MYH7: variants seen among roughly 807,000 people sequenced by gnomAD.
MYH7 encodes myosin-7.
Under a neutral mutation model 225.4 loss-of-function variants are expected in MYH7, and 129 were observed. That is an observed-to-expected ratio of 0.57 (90% CI 0.50 to 0.66). The LOEUF (loss-of-function observed/expected upper bound fraction) is 0.66. Among genes scored for constraint, MYH7 ranks in the 30% least tolerant of loss-of-function variants. The probability of loss-of-function intolerance (pLI) is 0.00; values close to 1 mark genes in which losing one functional copy is unlikely to be tolerated. For missense variants in MYH7, 1,649 were observed against 2,517.0 expected (o/e 0.66, Z 7.38); for synonymous variants, 971 against 1,007.6 (o/e 0.96, Z 0.69).
chr14:23,429,382 GAGA>G, intron 12 of MYH7, 35 bp from the exon 13 acceptor site: 1 of 1,584,686 alleles, frequency 6.3e-7, no homozygotes, highest in South Asian at 1.1e-5. Flanking sequence ...AGTTGGTAAA[GAGA>G]TGACTGCTGG....
intron 1 of MYH7, among the ~76,000 whole-genome samples, chr14:23,434,969 T>C (rs1893086094): frequency 6.6e-6 from 1 of 151,970 alleles, no homozygotes; most frequent in African/African-American, 2.4e-5. Context: ...CATATATGCC[T>C]CAACAGCAAA....
At chr14:23,429,691 A>G (rs1595087598) in intron 12 of MYH7, 84 bp downstream of exon 12, 3 of 1,454,188 alleles carry the variant, frequency 2.1e-6, no homozygotes, top group African/African-American at 1.5e-5. Context: ...AAAAAAAAAA[A>G]GAAAAAAGAG....
chr14:23,429,940 C>T (rs951417197), intron 11 of MYH7, 27 bp from the exon 12 acceptor site: 1 of 1,613,250 alleles, frequency 6.2e-7, no homozygotes, highest in Non-Finnish European at 8.5e-7. Context: ...TATTGGCGGA[C>T]CCCAGAAAAA....
In MYH7 at chr14:23,416,853, T is replaced by G. The variant is rs2138644080; in HGVS notation, c.4644+15A>C. On this transcript the variant is annotated intron_variant, in intron 33 of 39. Coordinates refer to ENST00000355349, the MANE Select transcript of MYH7 (RefSeq NM_000257.4). ...GCTCAGCTCCCTGCACCCCGTGCCC[T>G]GCACACACACACACCTCGGCCTCCT... 5 of 1,614,044 alleles carry G rather than the reference T, an allele frequency of 3.1e-6. No individual in the cohort carries two copies. Among genetic ancestry groups the G allele is most frequent in the Middle Eastern group, 1.7e-4 (1 of 6,052 alleles).
chr14:23,422,603 T>TCTTTCTCTCCTTC (rs1258899070), intron 24 of MYH7, among the ~76,000 whole-genome samples: 13 of 130,938 alleles, frequency 9.9e-5, no homozygotes, highest in African/African-American at 4.5e-4. Context: ...TTCTCTCCTT[T>TCTTTCTCTCCTTC]CTTTCTCTCC....
At chr14:23,417,952 C>T (rs765006810) in intron 30 of MYH7, 2 of 866,812 alleles carry the variant, frequency 2.3e-6, no homozygotes, top group Admixed American at 1.7e-5. Flanking sequence ...CACTGCCTTT[C>T]CCTGCCACAG....
rs761548214 is a variant in MYH7 at position 23,415,733 on chromosome 14, G to A, written c.5053C>T (p.Leu1685=). ...ERRNNLLQAE[L]EELRAVVEQT... ...TCCACCACGGCACGCAACTCCTCCA[G>A]CTCAGCCTGCAGCAGGTTGTTGCGC... Residue 1685 remains leucine (L), a synonymous_variant, in exon 35 of 40, where the codon CTG becomes TTG. Coordinates refer to ENST00000355349, the MANE Select transcript of MYH7 (RefSeq NM_000257.4). This position sits in a 1 kb window ranked among gnomAD's most constrained non-coding sequence, Gnocchi z 6.3. 6.2e-7 allele frequency: 1 copy of A among 1,614,196 alleles called. No individual in the cohort carries two copies. The highest frequency in any genetic ancestry group is 1.1e-5 in the South Asian group (1 of 91,078).
chr14:23,434,786 A>G (rs1330973938), intron 1 of MYH7, among the ~76,000 whole-genome samples: 1 of 152,146 alleles, frequency 6.6e-6, no homozygotes, highest in East Asian at 1.9e-4. Context: ...GACTTTGTGG[A>G]CATTCTCAGA....
chr14:23,416,715 A>C (rs1792103570), intron 33 of MYH7, among the ~76,000 whole-genome samples, 153 bp downstream of exon 33: 1 of 152,222 alleles, frequency 6.6e-6, no homozygotes, highest in Non-Finnish European at 1.5e-5. Context: ...CATTCACTCC[A>C]CAAATCTTCA....
chr14:23,413,957 C>T (rs761512935), intron 38 of MYH7, 50 bp downstream of exon 38: 51 of 1,614,098 alleles, frequency 3.2e-5, no homozygotes, highest in South Asian at 1.3e-4. Flanking sequence ...GCTTGGGGGA[C>T]GAGCTCTCCT....
chr14:23,420,310 G>A, intron 26 of MYH7, 76 bp from the exon 27 acceptor site: 8 of 1,560,000 alleles, frequency 5.1e-6, no homozygotes, highest in Non-Finnish European at 6.9e-6. Context: ...AAAGGCTCTC[G>A]GCTTCTCTGG....
At chr14:23,418,526 C>G in intron 29 of MYH7, 120 bp from the exon 30 acceptor site, 1 of 1,175,100 alleles carries the variant, frequency 8.5e-7, no homozygotes, top group South Asian at 1.6e-5. Context: ...GTCCAAACCC[C>G]CAGTGGACCT....
At chr14:23,422,041 G>A in intron 25 of MYH7, 139 bp downstream of exon 25, 2 of 1,333,698 alleles carry the variant, frequency 1.5e-6, no homozygotes, top group Non-Finnish European at 2.1e-6. Context: ...GCCCTTGCCT[G>A]GGAGGCCTTT....
chr14:23,428,012 T>TTTAA (rs1892764699), intron 15 of MYH7, 118 bp from the exon 16 acceptor site: 1 of 1,316,512 alleles, frequency 7.6e-7, no homozygotes, highest in South Asian at 1.3e-5. Flanking sequence ...GGTAGTAGGC[T>TTTAA]CAGCTCTGAG....
At chr14:23,430,832 T>C (rs958043425) in intron 10 of MYH7, 69 bp downstream of exon 10, 26 of 1,373,086 alleles carry the variant, frequency 1.9e-5, no homozygotes, top group Non-Finnish European at 2.6e-5. Context: ...GCCAGCTGAG[T>C]CCAGCCACAA....
chr14:23,428,359 A>T (rs1029560176), intron 15 of MYH7, 141 bp downstream of exon 15: 4 of 1,393,988 alleles, frequency 2.9e-6, no homozygotes, highest in African/African-American at 2.9e-5. Context: ...TCAGCACAAC[A>T]TAGGCTCTGG....
chr14:23,418,112 G>A, intron 30 of MYH7, 98 bp downstream of exon 30: 3 of 1,564,866 alleles, frequency 1.9e-6, no homozygotes, highest in Non-Finnish European at 2.6e-6. Context: ...TCAAACACTA[G>A]CTAAGCATCG....
Position 23,425,064 on chromosome 14 carries a change from T to G in MYH7, c.2424-40A>C. The G allele has an allele frequency of 6.2e-7, 1 of 1,613,930 alleles. No homozygotes were observed. The highest frequency in any genetic ancestry group is 2.2e-5 in the East Asian group (1 of 44,872). On this transcript the variant is annotated intron_variant, in intron 21 of 39. Coordinates refer to ENST00000355349, the MANE Select transcript of MYH7 (RefSeq NM_000257.4). The surrounding 1 kb of genome is among the most constrained non-coding windows in gnomAD (Gnocchi z 4.6). The stretch of plus-strand genomic sequence containing the variant: ...TGAAAGGAGTGCTGAGCCTCCTGCC[T>G]CCTTCCTACCTGAGGTCCTGAAACC...
chr14:23,426,855 T>C lies in MYH7; in HGVS notation c.1966A>G (p.Asn656Asp). Reference sequence around the variant, plus strand: ...GAGCGCAAGTTGGTCATCAGCTTGTTCAGATTTTCCTGTGGCCAAAAATGC... The same window carrying C: ...GAGCGCAAGTTGGTCATCAGCTTGTCCAGATTTTCCTGTGGCCAAAAATGC... ...TVSALHRENL[N>D]KLMTNLRSTH... The change falls in exon 18 of 40, where the codon AAC becomes GAC. Residue 656 changes from asparagine (N) to aspartate (D), a missense_variant. Physicochemically the swap from Asn to Asp is conservative, Grantham distance 23. This residue lies in a region of MYH7 where 112 missense variants were observed against 161.9 expected (regional missense o/e 0.69). Transcript: ENST00000355349. 1 of 1,614,008 alleles carries C rather than the reference T, an allele frequency of 6.2e-7. No individual in the cohort carries two copies.
Sources: allele counts gnomAD v4.1 joint callset (sites outside exome capture counted in the v4.1 genomes callset), GRCh38; gene constraint gnomAD v4.1.1; regional missense constraint gnomAD v4.1.1; non-coding constraint Gnocchi (gnomAD v3.1); transcripts MANE v1.5; gene names NCBI Gene and HGNC (gene_info 2026-07-23, HGNC 2026-07-21).